The following RANBP17 variants were observed in gnomAD, a reference collection of about 807,000 sequenced individuals.
The protein encoded by RANBP17 is ran-binding protein 17.
Under a neutral mutation model 141.2 loss-of-function variants are expected in RANBP17, and 158 were observed. That is an observed-to-expected ratio of 1.12 (90% confidence interval 0.98 to 1.28). The LOEUF is 1.28. RANBP17 is among the 50% of genes most tolerant of loss of function. The pLI is 0.00. For synonymous variants in RANBP17, 430 were observed against 450.0 expected (o/e 0.96, Z 0.56); for missense variants, 1,438 against 1,290.7 (o/e 1.11, Z -1.75).
chr5:170,978,194 T>A (rs919343640), intron 14 of RANBP17, among the ~76,000 whole-genome samples: 2 of 152,132 alleles, frequency 1.3e-5, no homozygotes, highest in Admixed American at 6.5e-5. Flanking sequence ...CTAAAAATTT[T>A]AAAAACTGAT....
chr5:171,242,865 A>T, intron 24 of RANBP17, 45 bp downstream of exon 24: 1 of 1,569,168 alleles, frequency 6.4e-7, no homozygotes, highest in Non-Finnish European at 8.8e-7. Context: ...AAACTTGATT[A>T]TGGGCTTTTA....
chr5:171,002,483 AAG>A (rs1226550108), intron 14 of RANBP17, among the ~76,000 whole-genome samples: 32 of 152,226 alleles, frequency 2.1e-4, no homozygotes, highest in Middle Eastern at 3.4e-3. Flanking sequence ...GTTTTTATTA[AAG>A]AGGCATTAAT....
At chr5:170,974,962 C>T (rs1408192113) in intron 14 of RANBP17, among the ~76,000 whole-genome samples, 1 of 152,030 alleles carries the variant, frequency 6.6e-6, no homozygotes, top group Non-Finnish European at 1.5e-5. Flanking sequence ...CCCTTGCGCT[C>T]TGGGCCTGGG....
chr5:171,197,634 G>A (rs1037689108), intron 18 of RANBP17, among the ~76,000 whole-genome samples: 7 of 152,124 alleles, frequency 4.6e-5, no homozygotes, highest in Admixed American at 1.3e-4. Flanking sequence ...TTTAGTTCCC[G>A]CAGTAACCCT....
chr5:170,935,893 G>T (rs1215136280), intron 12 of RANBP17, among the ~76,000 whole-genome samples: 1 of 152,208 alleles, frequency 6.6e-6, no homozygotes, highest in Non-Finnish European at 1.5e-5. Flanking sequence ...GCCCCTAGAG[G>T]TGGAGTCTAC....
rs550907120 is a variant in RANBP17, at chr5:171,256,814, G to C, written c.2777-8867G>C. ...CCAACTAGAAAGCCTAGAAAAAAAT[G>C]GATAAGTTCCTGGAAACATACAAGG... On this transcript the variant is annotated intron_variant, in intron 24 of 27. Transcript: ENST00000523189. Among the ~76,000 whole-genome samples the C allele has an allele frequency of 2.0e-5, 3 of 152,082 alleles. No homozygotes were observed. The East Asian group carries it at 5.8e-4, about 29-fold the overall frequency.
At chr5:171,211,506 C>T (rs1313869352) in intron 20 of RANBP17, among the ~76,000 whole-genome samples, 1 of 152,142 alleles carries the variant, frequency 6.6e-6, no homozygotes, top group African/African-American at 2.4e-5. Context: ...AAGTGATCCA[C>T]CCACCTCAGC....
intron 14 of RANBP17, among the ~76,000 whole-genome samples, chr5:171,041,250 T>C (rs542384979): frequency 6.6e-6 from 1 of 152,142 alleles, no homozygotes; most frequent in Non-Finnish European, 1.5e-5. Flanking sequence ...GTTATTTATT[T>C]ATTATTACTA....
chr5:171,147,339 T>TTGTGTGTGTGTGTGTGTGTGTGTG (rs59202388), intron 14 of RANBP17, among the ~76,000 whole-genome samples: 2 of 104,854 alleles, frequency 1.9e-5, no homozygotes, highest in East Asian at 3.5e-4. Flanking sequence ...CTTGGTTGTT[T>TTGTGTGTGTGTGTGTGTGTGTGTG]TGTGTGTGTG....
At chr5:171,210,227 G>A (rs1215288089) in intron 20 of RANBP17, among the ~76,000 whole-genome samples, 1 of 151,990 alleles carries the variant, frequency 6.6e-6, no homozygotes. Context: ...TCCTAGAGTG[G>A]GTTCTGGTTC....
chr5:171,174,416 A>G (rs1760301919), intron 16 of RANBP17, among the ~76,000 whole-genome samples: 1 of 152,152 alleles, frequency 6.6e-6, no homozygotes, highest in Non-Finnish European at 1.5e-5. Flanking sequence ...TGTTCAAATG[A>G]TTGAATCAAG....
intron 14 of RANBP17, among the ~76,000 whole-genome samples, chr5:171,009,039 C>T (rs936153937): frequency 2.0e-5 from 3 of 152,152 alleles, no homozygotes; most frequent in African/African-American, 7.2e-5. Context: ...ATTTCAATGC[C>T]ATGGCTTGGG....
chr5:171,087,424 A>G (rs1460700448), intron 14 of RANBP17, among the ~76,000 whole-genome samples: 5 of 152,228 alleles, frequency 3.3e-5, no homozygotes, highest in Non-Finnish European at 5.9e-5. Flanking sequence ...GTGGTGCTGA[A>G]AAAAATGTAT....
chr5:171,166,126 C>T (rs1759677261), intron 14 of RANBP17, among the ~76,000 whole-genome samples: 1 of 152,128 alleles, frequency 6.6e-6, no homozygotes, highest in South Asian at 2.1e-4. Flanking sequence ...TTTCTGCTCT[C>T]AGGGAGCTTA....
chr5:171,288,301 G>A (rs563098664), intron 25 of RANBP17, among the ~76,000 whole-genome samples: 3 of 152,208 alleles, frequency 2.0e-5, no homozygotes, highest in Non-Finnish European at 4.4e-5. Context: ...TCATCAGTAG[G>A]CGCCAAGGGT....
chr5:171,145,843 C>T (rs2127820953), intron 14 of RANBP17, among the ~76,000 whole-genome samples: 1 of 152,082 alleles, frequency 6.6e-6, no homozygotes, highest in Non-Finnish European at 1.5e-5. Context: ...ACTAATCCCC[C>T]CAAAAGTAAG....
intron 14 of RANBP17, among the ~76,000 whole-genome samples, chr5:171,090,321 C>G (rs967072764): frequency 2.0e-5 from 3 of 152,098 alleles, no homozygotes; most frequent in African/African-American, 7.2e-5. Context: ...GCATTTTGAC[C>G]CTGCCCTAGA....
At chr5:171,150,896 G>C (rs1758424107) in intron 14 of RANBP17, among the ~76,000 whole-genome samples, 2 of 152,114 alleles carry the variant, frequency 1.3e-5, no homozygotes, top group South Asian at 2.1e-4. Context: ...TGTTCCTTTT[G>C]TCATTGAGGA....
chr5:170,967,437 A>G (rs1273299268), intron 13 of RANBP17, among the ~76,000 whole-genome samples: 2 of 152,012 alleles, frequency 1.3e-5, no homozygotes, highest in Admixed American at 6.6e-5. Flanking sequence ...TTATTATATT[A>G]TATTCATTTT....
Sources: allele counts gnomAD v4.1 joint callset (sites outside exome capture counted in the v4.1 genomes callset), GRCh38; gene constraint gnomAD v4.1.1; transcripts MANE v1.5; gene names NCBI Gene and HGNC (gene_info 2026-07-23, HGNC 2026-07-21).